Variants in GYS2 observed in about 807,000 individuals in gnomAD.
GYS2 encodes the protein glycogen [starch] synthase, liver.
A neutral mutation model predicts 85.6 loss-of-function variants in GYS2; 80 were observed. The observed-to-expected ratio is 0.93, with a 90% CI of 0.78 to 1.13. The LOEUF is 1.13. GYS2 is among the 50% of genes most tolerant of loss of function. The pLI is 0.00. For missense variants in GYS2, 881 were observed against 854.9 expected, an observed-to-expected ratio of 1.03 and a Z score of -0.38; for synonymous variants, 328 against 300.7, an observed-to-expected ratio of 1.09 and a Z score of -0.94.
At chr12:21,548,685 C>T (rs912100727) in intron 11 of GYS2, among the ~76,000 whole-genome samples, 1 of 152,210 alleles carries the variant, frequency 6.6e-6, no homozygotes, top group African/African-American at 2.4e-5. Flanking sequence ...ATATTCTGTA[C>T]TTTCTGTTCA....
At chr12:21,567,225 A>T (rs892074723) in intron 5 of GYS2, among the ~76,000 whole-genome samples, 1 of 152,184 alleles carries the variant, frequency 6.6e-6, no homozygotes, top group South Asian at 2.1e-4. Flanking sequence ...CTCTTATAAG[A>T]TATTTGGCAG....
chr12:21,542,411 T>C (rs1300953045), intron 13 of GYS2, 85 bp downstream of exon 13: 5 of 842,732 alleles, frequency 5.9e-6, no homozygotes, highest in Non-Finnish European at 1.0e-5. Context: ...AGGATAGCTT[T>C]AGAGTTAGGC....
chr12:21,587,518 C>T (rs1003370152), intron 1 of GYS2, among the ~76,000 whole-genome samples: 1 of 152,102 alleles, frequency 6.6e-6, no homozygotes, highest in Non-Finnish European at 1.5e-5. Context: ...TTTTGCTTGG[C>T]ACTTCTACTT....
At chr12:21,584,945 G>T (rs553521511) in intron 1 of GYS2, among the ~76,000 whole-genome samples, 6 of 152,296 alleles carry the variant, frequency 3.9e-5, no homozygotes, top group Non-Finnish European at 5.9e-5. Flanking sequence ...TCATCCTGAA[G>T]CAGCTTTTGA....
At chr12:21,551,013 A>ATT (rs71053322) in intron 11 of GYS2, among the ~76,000 whole-genome samples, 12 of 151,566 alleles carry the variant, frequency 7.9e-5, no homozygotes, top group African/African-American at 2.9e-4. Flanking sequence ...TTTTTTTTTA[A>ATT]TTTTTTTTTA....
chr12:21,575,501 C>T (rs1353725318), intron 3 of GYS2, among the ~76,000 whole-genome samples: 1 of 151,994 alleles, frequency 6.6e-6, no homozygotes, highest in African/African-American at 2.4e-5. Context: ...TCAGGATCAC[C>T]TGGAAAGCTT....
chr12:21,556,031 T>C (rs1944175033), intron 11 of GYS2, among the ~76,000 whole-genome samples: 1 of 152,196 alleles, frequency 6.6e-6, no homozygotes, highest in African/African-American at 2.4e-5. Flanking sequence ...TTAAGAAAGT[T>C]TCTCCTACCT....
intron 5 of GYS2, among the ~76,000 whole-genome samples, chr12:21,564,295 G>A (rs1476255577): frequency 6.6e-6 from 1 of 152,092 alleles, no homozygotes; most frequent in Non-Finnish European, 1.5e-5. Context: ...GTCAGGCATG[G>A]TGGTGTGCGC....
chr12:21,593,977 AC>A (rs1424159280), intron 1 of GYS2, among the ~76,000 whole-genome samples: 3 of 152,184 alleles, frequency 2.0e-5, no homozygotes, highest in African/African-American at 7.2e-5. Flanking sequence ...GTGATACATC[AC>A]ATCAACAAAA....
intron 1 of GYS2, among the ~76,000 whole-genome samples, chr12:21,599,060 C>A (rs1944725856): frequency 2.3e-5 from 1 of 43,826 alleles, no homozygotes; most frequent in Non-Finnish European, 5.4e-5. Flanking sequence ...TCTTTCTCTG[C>A]CTCTCTCTCG....
chr12:21,565,604 A>G (rs915573549), intron 5 of GYS2, among the ~76,000 whole-genome samples: 13 of 150,422 alleles, frequency 8.6e-5, no homozygotes, highest in African/African-American at 3.2e-4. Flanking sequence ...AATTAATTTG[A>G]TTAATTTAAT....
At chr12:21,552,618 T>C (rs891161206) in intron 11 of GYS2, among the ~76,000 whole-genome samples, 4 of 152,220 alleles carry the variant, frequency 2.6e-5, no homozygotes, top group Admixed American at 2.6e-4. Context: ...TGTACATTTA[T>C]TTTGTGTGTG....
chr12:21,600,561 G>A (rs1372936373), intron 1 of GYS2, among the ~76,000 whole-genome samples: 1 of 152,068 alleles, frequency 6.6e-6, no homozygotes, highest in Non-Finnish European at 1.5e-5. Flanking sequence ...AAAGCCATTT[G>A]GAAAACTTCT....
chr12:21,595,093 T>C (rs1292950019), intron 1 of GYS2, among the ~76,000 whole-genome samples: 1 of 152,186 alleles, frequency 6.6e-6, no homozygotes. Context: ...ATGGTTTGGA[T>C]GTTTGTTCCC....
intron 5 of GYS2, among the ~76,000 whole-genome samples, chr12:21,567,400 G>C (rs1944333631): frequency 6.6e-6 from 1 of 151,980 alleles, no homozygotes; most frequent in Non-Finnish European, 1.5e-5. Context: ...CATATTGATG[G>C]AATAAACTCC....
intron 4 of GYS2, among the ~76,000 whole-genome samples, chr12:21,573,341 C>A (rs912976938): frequency 6.6e-6 from 1 of 152,054 alleles, no homozygotes; most frequent in Admixed American, 6.6e-5. Context: ...CAAAACTGAA[C>A]CCTAGAGTAC....
chr12:21,592,347 G>A (rs1247897768), intron 1 of GYS2, among the ~76,000 whole-genome samples: 1 of 151,890 alleles, frequency 6.6e-6, no homozygotes, highest in African/African-American at 2.4e-5. Context: ...GATATAGACT[G>A]GCTAAATAGA....
intron 4 of GYS2, among the ~76,000 whole-genome samples, chr12:21,573,405 A>G (rs1319944817): frequency 6.6e-6 from 1 of 152,202 alleles, no homozygotes; most frequent in Non-Finnish European, 1.5e-5. Context: ...CTCTGAATTT[A>G]TACTACTCAA....
intron 1 of GYS2, among the ~76,000 whole-genome samples, chr12:21,586,980 A>C (rs191000243): frequency 6.6e-6 from 1 of 152,294 alleles, no homozygotes; most frequent in Admixed American, 6.5e-5. Flanking sequence ...ATTTATATAC[A>C]TATATATTAC....
Sources: gnomAD v4.1 joint callset for allele counts (sites outside exome capture counted in the v4.1 genomes callset) on GRCh38, gnomAD v4.1.1 for gene constraint, MANE v1.5 for transcripts, NCBI Gene and HGNC (gene_info 2026-07-23, HGNC 2026-07-21) for gene names.